EYA2: variants seen among roughly 807,000 people sequenced by gnomAD.
EYA2 encodes the protein protein phosphatase EYA2.
A neutral mutation model predicts 69.2 loss-of-function variants in EYA2; 31 were observed. That is an observed-to-expected ratio of 0.45 (90% CI 0.34 to 0.60). EYA2 has a LOEUF of 0.60. Ranked by LOEUF, EYA2 falls within the 20% of genes least tolerant of loss-of-function variation. The pLI is 0.02. For missense variants in EYA2, 622 were observed against 701.2 expected, an observed-to-expected ratio of 0.89 and a Z score of 1.28; for synonymous variants, 257 against 279.4, an observed-to-expected ratio of 0.92 and a Z score of 0.80.
intron 9 of EYA2, among the ~76,000 whole-genome samples, chr20:47,141,091 C>T (rs553558930): frequency 3.3e-5 from 5 of 152,158 alleles, no homozygotes; most frequent in African/African-American, 7.2e-5. Context: ...AATTTCAACA[C>T]GAGTTGTGAC....
chr20:46,899,768 T>A (rs181092840), intron 1 of EYA2, among the ~76,000 whole-genome samples: 4 of 152,258 alleles, frequency 2.6e-5, no homozygotes, highest in Admixed American at 2.0e-4. Flanking sequence ...TGCGGGTCAG[T>A]GGGGGCTGAG....
chr20:46,908,178 CAAG>C (rs909076621), intron 1 of EYA2, among the ~76,000 whole-genome samples: 1 of 152,104 alleles, frequency 6.6e-6, no homozygotes, highest in Non-Finnish European at 1.5e-5. Flanking sequence ...GGAATGCAGT[CAAG>C]AACAAAAATG....
At chr20:47,183,256 A>G in intron 14 of EYA2, 35 bp from the exon 15 acceptor site, 1 of 1,606,948 alleles carries the variant, frequency 6.2e-7, no homozygotes, top group Non-Finnish European at 8.5e-7. Flanking sequence ...GGGTCCTCAC[A>G]GAGCGTTTTT....
At chr20:47,131,283 C>T (rs907766958) in intron 9 of EYA2, among the ~76,000 whole-genome samples, 2 of 152,100 alleles carry the variant, frequency 1.3e-5, no homozygotes, top group Non-Finnish European at 2.9e-5. Context: ...ATCCTTGGCA[C>T]CCCCAAATAC....
chr20:47,070,647 C>T (rs1351604888), intron 5 of EYA2, among the ~76,000 whole-genome samples: 1 of 152,096 alleles, frequency 6.6e-6, no homozygotes, highest in Non-Finnish European at 1.5e-5. Context: ...ACATCTATGC[C>T]ATTGTGCATT....
At chr20:47,077,468 G>A (rs2031556940) in intron 7 of EYA2, among the ~76,000 whole-genome samples, 1 of 152,140 alleles carries the variant, frequency 6.6e-6, no homozygotes, top group African/African-American at 2.4e-5. Flanking sequence ...GATGCTGTAG[G>A]GCTTTGCAGA....
chr20:46,996,103 G>C (rs956280648), intron 2 of EYA2, among the ~76,000 whole-genome samples: 1 of 152,232 alleles, frequency 6.6e-6, no homozygotes, highest in African/African-American at 2.4e-5. Flanking sequence ...TACGGTAGGT[G>C]CATGATAAAC....
At chr20:47,183,738 C>T (rs543161830) in intron 15 of EYA2, among the ~76,000 whole-genome samples, 53 of 152,216 alleles carry the variant, frequency 3.5e-4, no homozygotes, top group African/African-American at 1.3e-3. Context: ...TTCCAGCAAC[C>T]CTTCCCAGTT....
intron 1 of EYA2, among the ~76,000 whole-genome samples, chr20:46,939,455 T>C (rs950040357): frequency 1.3e-5 from 2 of 152,068 alleles, no homozygotes; most frequent in South Asian, 4.2e-4. Flanking sequence ...TTATTTTTTT[T>C]CAAAAATCCC....
Position 47,188,122 on chromosome 20 carries a change from G to C in EYA2, c.1606G>C (p.Glu536Gln), listed in dbSNP as rs1344136806. ...GGCACTGAGGCACGCCCTGGAGCTG[G>C]AGTATTTATAGCAGGATCAGCAGCA... ...LEALRHALELEYL is the reference protein window; with the variant it reads ...LEALRHALELQYL The change falls in exon 16 of 16, where the codon GAG (glutamate) becomes CAG (glutamine). Residue 536 changes from glutamate (E) to glutamine (Q), a missense_variant. Coordinates refer to ENST00000327619, the MANE Select transcript of EYA2 (RefSeq NM_005244.5). The C allele has an allele frequency of 4.4e-6, 7 of 1,581,366 alleles. No individual in the cohort carries two copies. In the South Asian group the frequency reaches 4.6e-5, roughly 10 times the overall value.
At chr20:47,032,776 T>G (rs1984490460) in intron 5 of EYA2, among the ~76,000 whole-genome samples, 1 of 152,242 alleles carries the variant, frequency 6.6e-6, no homozygotes, top group South Asian at 2.1e-4. Context: ...TTGTGAAGCC[T>G]GGGACAAAGT....
chr20:47,071,858 C>T (rs1307144622), intron 5 of EYA2: 3 of 261,586 alleles, frequency 1.1e-5, no homozygotes, highest in East Asian at 8.0e-5. Flanking sequence ...GGGTCTGGGC[C>T]GCCAACATGC....
intron 7 of EYA2, among the ~76,000 whole-genome samples, chr20:47,086,344 G>C (rs947205030): frequency 1.3e-5 from 2 of 152,174 alleles, no homozygotes; most frequent in Admixed American, 6.5e-5. Context: ...AAATTAGCCA[G>C]GTATGGTGGC....
At chr20:47,129,666 G>A (rs929572647) in intron 9 of EYA2, among the ~76,000 whole-genome samples, 1 of 152,192 alleles carries the variant, frequency 6.6e-6, no homozygotes, top group African/African-American at 2.4e-5. Context: ...CAACAGACAT[G>A]GGGGACAAGG....
chr20:46,986,688 G>C (rs1211554307), intron 1 of EYA2, among the ~76,000 whole-genome samples: 1 of 152,022 alleles, frequency 6.6e-6, no homozygotes, highest in Non-Finnish European at 1.5e-5. Flanking sequence ...CATAGTGGAA[G>C]GTGGAGGGCC....
chr20:47,142,471 A>G (rs2033616803), intron 9 of EYA2, among the ~76,000 whole-genome samples: 1 of 152,258 alleles, frequency 6.6e-6, no homozygotes, highest in African/African-American at 2.4e-5. Context: ...CTTCGTTTGT[A>G]TAATGGCTGC....
chr20:47,025,616 C>T (rs1222789041), intron 5 of EYA2, among the ~76,000 whole-genome samples: 2 of 152,076 alleles, frequency 1.3e-5, no homozygotes, highest in Non-Finnish European at 2.9e-5. Context: ...CAACTGCCTC[C>T]GAAATGGTCA....
intron 1 of EYA2, among the ~76,000 whole-genome samples, chr20:46,959,051 A>G (rs1979311664): frequency 6.6e-6 from 1 of 152,200 alleles, no homozygotes. Flanking sequence ...TCCTTTGGGT[A>G]TATACCCAGT....
At chr20:47,098,781 C>G (rs73125558) in intron 9 of EYA2, among the ~76,000 whole-genome samples, 7,431 of 152,312 alleles carry the variant, frequency 0.049, 239 homozygotes, top group South Asian at 0.13. Context: ...TCCTGAAATG[C>G]AAGCTTGGCC....
Sources: allele counts gnomAD v4.1 joint callset (sites outside exome capture counted in the v4.1 genomes callset), GRCh38; gene constraint gnomAD v4.1.1; transcripts MANE v1.5; gene names NCBI Gene and HGNC (gene_info 2026-07-23, HGNC 2026-07-21).